Variants in ITGBL1 observed in about 807,000 individuals in gnomAD.
The protein encoded by ITGBL1 is integrin subunit beta like 1.
A neutral mutation model predicts 68.5 loss-of-function variants in ITGBL1; 51 were observed. The ratio of observed to expected loss-of-function variants is 0.74; its 90% CI spans 0.59 to 0.94. The LOEUF (loss-of-function observed/expected upper bound fraction) is 0.94, where lower values mean the gene tolerates loss of function less well. Ranked by LOEUF, ITGBL1 falls within the 40% of genes least tolerant of loss-of-function variation. ITGBL1 has a pLI of 0.00. For synonymous variants in ITGBL1, 209 were observed against 227.3 expected, an observed-to-expected ratio of 0.92 and a Z score of 0.72; for missense variants, 649 against 647.4, an observed-to-expected ratio of 1.00 and a Z score of -0.03.
intron 7 of ITGBL1, among the ~76,000 whole-genome samples, chr13:101,645,243 C>T (rs773355064): frequency 1.6e-4 from 25 of 152,184 alleles, no homozygotes; most frequent in Middle Eastern, 3.4e-3. Flanking sequence ...CTGCAGGGAC[C>T]CTAGAGTCAT....
intron 7 of ITGBL1, among the ~76,000 whole-genome samples, chr13:101,652,077 T>G (rs1451611510): frequency 2.0e-5 from 3 of 152,060 alleles, no homozygotes; most frequent in Admixed American, 6.5e-5. Context: ...CCATGTGACT[T>G]TTTAAAAAAA....
chr13:101,522,855 A>G (rs2049308412), intron 2 of ITGBL1, among the ~76,000 whole-genome samples: 1 of 152,202 alleles, frequency 6.6e-6, no homozygotes, highest in South Asian at 2.1e-4. Context: ...GAGCAAGCGC[A>G]GAGAGTAGGA....
chr13:101,653,358 T>C (rs1408824709), intron 7 of ITGBL1, among the ~76,000 whole-genome samples: 1 of 152,160 alleles, frequency 6.6e-6, no homozygotes, highest in Non-Finnish European at 1.5e-5. Context: ...GGGATATCAC[T>C]GATTTTATCA....
chr13:101,648,719 T>C (rs1375204713), intron 7 of ITGBL1, among the ~76,000 whole-genome samples: 1 of 152,200 alleles, frequency 6.6e-6, no homozygotes, highest in Non-Finnish European at 1.5e-5. Flanking sequence ...GTTGTACAAC[T>C]ATCCTAGCAA....
chr13:101,689,309 A>T (rs1359429610), intron 7 of ITGBL1, among the ~76,000 whole-genome samples: 2 of 151,594 alleles, frequency 1.3e-5, no homozygotes, highest in Non-Finnish European at 2.9e-5. Context: ...TGCCAATGTC[A>T]CAGATTTGGT....
intron 7 of ITGBL1, among the ~76,000 whole-genome samples, chr13:101,600,758 T>C (rs1470630945): frequency 6.6e-6 from 1 of 152,250 alleles, no homozygotes; most frequent in African/African-American, 2.4e-5. Context: ...TTGCATATGT[T>C]GTACCAGCCT....
intron 7 of ITGBL1, among the ~76,000 whole-genome samples, chr13:101,619,420 A>G (rs2031497587): frequency 1.3e-5 from 2 of 152,116 alleles, no homozygotes; most frequent in Non-Finnish European, 2.9e-5. Context: ...TCAACCTACC[A>G]CTACTGCCTT....
chr13:101,564,716 A>C (rs1338299782), intron 2 of ITGBL1, among the ~76,000 whole-genome samples: 1 of 150,484 alleles, frequency 6.6e-6, no homozygotes, highest in Non-Finnish European at 1.5e-5. Context: ...TTTAAAACAT[A>C]TATATAGAAA....
intron 2 of ITGBL1, among the ~76,000 whole-genome samples, chr13:101,500,694 T>A (rs1401426720): frequency 6.6e-6 from 1 of 152,314 alleles, no homozygotes; most frequent in Non-Finnish European, 1.5e-5. Flanking sequence ...TGTAAGTCAG[T>A]CATAGATGCA....
chr13:101,674,212 C>A (rs1001350737), intron 7 of ITGBL1, among the ~76,000 whole-genome samples: 1 of 152,220 alleles, frequency 6.6e-6, no homozygotes, highest in Admixed American at 6.5e-5. Context: ...GCACACGCTT[C>A]TGTGAGGATA....
intron 2 of ITGBL1, among the ~76,000 whole-genome samples, chr13:101,550,876 A>C (rs926636056): frequency 6.6e-6 from 1 of 152,212 alleles, no homozygotes; most frequent in African/African-American, 2.4e-5. Context: ...TGCCAGGAAA[A>C]AAAATAGAAC....
At chr13:101,480,368 T>C (rs1299997313) in intron 2 of ITGBL1, among the ~76,000 whole-genome samples, 1 of 151,856 alleles carries the variant, frequency 6.6e-6, no homozygotes, top group Non-Finnish European at 1.5e-5. Context: ...GAGTAAAGTG[T>C]ACAAAAATAT....
chr13:101,513,262 T>C (rs1414299516), intron 2 of ITGBL1, among the ~76,000 whole-genome samples: 2 of 152,046 alleles, frequency 1.3e-5, no homozygotes, highest in Non-Finnish European at 2.9e-5. Context: ...CCCCATAGTA[T>C]GTAACAAATG....
intron 2 of ITGBL1, among the ~76,000 whole-genome samples, chr13:101,465,125 T>C (rs2048366419): frequency 6.6e-6 from 1 of 152,228 alleles, no homozygotes; most frequent in South Asian, 2.1e-4. Flanking sequence ...AGTTAATAGT[T>C]GGTAAATGGT....
At chr13:101,471,794 A>G (rs191677368) in intron 2 of ITGBL1, among the ~76,000 whole-genome samples, 1 of 151,972 alleles carries the variant, frequency 6.6e-6, no homozygotes, top group Non-Finnish European at 1.5e-5. Context: ...ATATCCAAAC[A>G]TCACTGGGCA....
At chr13:101,546,500 A>G (rs936383839) in intron 2 of ITGBL1, among the ~76,000 whole-genome samples, 1 of 152,202 alleles carries the variant, frequency 6.6e-6, no homozygotes, top group Non-Finnish European at 1.5e-5. Context: ...TAATGAAAAC[A>G]AACAAAAATG....
chr13:101,555,823 A>G (rs1250262446), intron 2 of ITGBL1, among the ~76,000 whole-genome samples: 2 of 152,152 alleles, frequency 1.3e-5, no homozygotes, highest in African/African-American at 4.8e-5. Context: ...TCTCCAGGAA[A>G]ATTTCTTATC....
rs188985538 is a variant in ITGBL1 at position 101,706,326 on chromosome 13, T to C, written c.1133-430T>C. ...AATGCCATTTGTATGAAAGTTACCCTTTTGTTTTATTAGTAAGCAATAGGA... is the reference window on the plus strand; with the variant it reads ...AATGCCATTTGTATGAAAGTTACCCCTTTGTTTTATTAGTAAGCAATAGGA... On this transcript the variant is annotated intron_variant, in intron 8 of 10. Transcript: ENST00000376180. Among the ~76,000 whole-genome samples the C allele has an allele frequency of 1.2e-3, 188 of 152,336 alleles. 1 individual carries two copies. Among genetic ancestry groups the C allele is most frequent in the Middle Eastern group, 3.4e-3 (1 of 294 alleles).
chr13:101,579,309 A>T lies in ITGBL1; in HGVS notation c.609A>T (p.Gly203=), dbSNP rs1242259769. Residue 203 remains glycine, a synonymous_variant, in exon 5 of 11, where the codon GGA becomes GGT. Coordinates refer to ENST00000376180, the MANE Select transcript of ITGBL1 (RefSeq NM_004791.3). ...ICGGHGKCYC[G]NCYCKAGWHG... ...AAGGCCATGGGAAGTGTTACTGTGG[A>T]AACTGCTACTGCAAGGCTGGTTGGC... is the stretch of plus-strand genomic sequence containing the variant. 6.2e-7 allele frequency: 1 copy of T among 1,613,832 alleles called. No individual in the cohort carries two copies. Among genetic ancestry groups the T allele is most frequent in the Non-Finnish European group, 8.5e-7 (1 of 1,179,856 alleles).
Sources: gnomAD v4.1 joint callset for allele counts (sites outside exome capture counted in the v4.1 genomes callset) on GRCh38, gnomAD v4.1.1 for gene constraint, MANE v1.5 for transcripts, NCBI Gene and HGNC (gene_info 2026-07-23, HGNC 2026-07-21) for gene names.